UNC13A: variants seen among roughly 807,000 people sequenced by gnomAD.
The protein encoded by UNC13A is unc-13 homolog A.
UNC13A carries 61 observed loss-of-function variants against 219.7 expected under a neutral mutation model. That is an observed-to-expected ratio of 0.28 (90% CI 0.23 to 0.34). The LOEUF is 0.34. Ranked by LOEUF, UNC13A falls within the 10% of genes least tolerant of loss-of-function variation. UNC13A has a pLI of 1.00. For synonymous variants in UNC13A, 920 were observed against 884.6 expected, an observed-to-expected ratio of 1.04 and a Z score of -0.71; for missense variants, 1,476 against 2,270.3, an observed-to-expected ratio of 0.65 and a Z score of 7.11.
chr19:17,623,930 C>T (rs949578669), intron 35 of UNC13A, among the ~76,000 whole-genome samples: 6 of 152,146 alleles, frequency 3.9e-5, no homozygotes, highest in Admixed American at 2.6e-4. Context: ...GTCTATCGGT[C>T]CTGGTCTCTG....
chr19:17,649,051 C>T lies in UNC13A; in HGVS notation c.1525-68G>A. The T allele has an allele frequency of 4.0e-6, 6 of 1,487,168 alleles. No homozygotes were observed. The highest frequency in any genetic ancestry group is 5.4e-6 in the Non-Finnish European group (6 of 1,102,284). The allele number at this position is 1,487,168 out of a possible 1,614,324, so 92.1% of individuals were successfully genotyped here. ...ATGAGATCACCACCAGGAGAGTTCACAGCCACGGATGGGGCCAGCAGCCAC... is the reference window on the plus strand; with the variant it reads ...ATGAGATCACCACCAGGAGAGTTCATAGCCACGGATGGGGCCAGCAGCCAC... On this transcript the variant is annotated intron_variant, in intron 14 of 43. Coordinates refer to ENST00000519716, the MANE Select transcript of UNC13A (RefSeq NM_001080421.3). This position sits in a 1 kb window ranked among gnomAD's most constrained non-coding sequence, Gnocchi z 4.4.
intron 1 of UNC13A, among the ~76,000 whole-genome samples, chr19:17,676,338 T>C (rs551834158): frequency 1.3e-5 from 2 of 151,330 alleles, no homozygotes; most frequent in African/African-American, 4.9e-5. Flanking sequence ...GGAAGGAAAT[T>C]TGGACCCTGA....
chr19:17,675,630 C>CAAAA (rs35996994), intron 2 of UNC13A, among the ~76,000 whole-genome samples: 16 of 127,652 alleles, frequency 1.3e-4, no homozygotes, highest in African/African-American at 3.4e-4. Context: ...GACTCTGTCT[C>CAAAA]AAAAAAAAAA....
chr19:17,609,205 G>A (rs1472561454), intron 43 of UNC13A, among the ~76,000 whole-genome samples: 1 of 148,372 alleles, frequency 6.7e-6, no homozygotes, highest in Non-Finnish European at 1.5e-5. Flanking sequence ...CCTGACCTCA[G>A]GTGATCTGTC....
rs2079859562 is a variant in UNC13A, at chr19:17,674,567, G to A, written c.152+90C>T. ...GGGAGGACAGAGGGGAGTCACCCGG[G>A]ATTCCCCAGTGTCCAGCTCTGCCCT... On this transcript the variant is annotated intron_variant, in intron 3 of 43. Transcript: ENST00000519716. The surrounding 1 kb of genome is among the most constrained non-coding windows in gnomAD (Gnocchi z 5.0). 6.0e-6 allele frequency: 7 copies of A among 1,161,504 alleles called. No individual in the cohort carries two copies. The highest frequency in any genetic ancestry group is 8.9e-6 in the Non-Finnish European group (7 of 786,868). 71.9% of individuals were successfully genotyped at this position (1,161,504 alleles called of 1,614,324 possible). A position where few individuals can be genotyped will look rare whatever the true frequency, so the allele number is the denominator to read the frequency against.
At chr19:17,619,091 C>G (rs2076699151) in intron 38 of UNC13A, 129 bp from the exon 39 acceptor site, 2 of 826,314 alleles carry the variant, frequency 2.4e-6, no homozygotes, top group South Asian at 1.5e-5. Flanking sequence ...GGACAGAGGT[C>G]TGGAATTCCC....
Position 17,619,016 on chromosome 19 carries a change from C to G in UNC13A, c.4273-54G>C. On this transcript the variant is annotated intron_variant, in intron 38 of 43. Coordinates refer to ENST00000519716, the MANE Select transcript of UNC13A (RefSeq NM_001080421.3). ...GGGCAGGGGTGCTACAGCTGACACT[C>G]CAGCCCCAGAGACCATCTTGGTTCT... 4 of 1,553,106 alleles carry G rather than the reference C, an allele frequency of 2.6e-6. No individual in the cohort carries two copies. In the South Asian group the frequency reaches 4.4e-5, roughly 17 times the overall value.
chr19:17,643,719 T>C (rs986533702), intron 19 of UNC13A, among the ~76,000 whole-genome samples: 2 of 152,290 alleles, frequency 1.3e-5, no homozygotes, highest in African/African-American at 4.8e-5. Context: ...TGTCTCTTCC[T>C]TCAAACAAGG....
intron 1 of UNC13A, among the ~76,000 whole-genome samples, chr19:17,686,203 G>A (rs910087456): frequency 6.7e-6 from 1 of 149,400 alleles, no homozygotes; most frequent in Admixed American, 6.8e-5. Context: ...CTCTGTTTCT[G>A]GAAGCCTCAT....
At chr19:17,620,606 A>T in intron 38 of UNC13A, 87 bp downstream of exon 38, 1 of 1,189,916 alleles carries the variant, frequency 8.4e-7, no homozygotes, top group Non-Finnish European at 1.1e-6. Flanking sequence ...CTCGGACGGC[A>T]CGAACCACAG....
rs779843757 is a variant in UNC13A, at chr19:17,618,439, C to T, written c.4392G>A (p.Leu1464=). Reference sequence around the variant, plus strand: ...CTCTCACCTTGATGGTGTCCAGGGCCAACTCAACAACCGCGCACTGCTTTG... The same window carrying T: ...CTCTCACCTTGATGGTGTCCAGGGCTAACTCAACAACCGCGCACTGCTTTG... ...LTPKQCAVVE[L]ALDTIKQYFH... is the part of the protein sequence containing the mutation. The change falls in exon 40 of 44, where the codon TTG becomes TTA. Residue 1464 remains leucine (L), a synonymous_variant. Transcript: ENST00000519716. 1.3e-6 allele frequency: 2 copies of T among 1,585,272 alleles called. No individual in the cohort carries two copies. Among genetic ancestry groups the T allele is most frequent in the Non-Finnish European group, 1.7e-6 (2 of 1,165,550 alleles).
At chr19:17,606,407 GC>G in intron 43 of UNC13A, 53 bp from the exon 44 acceptor site, 1 of 1,521,582 alleles carries the variant, frequency 6.6e-7, no homozygotes, top group Non-Finnish European at 8.8e-7. Context: ...GTGATGCCCC[GC>G]CCACGGCCCC....
chr19:17,679,736 T>G (rs879430790), intron 1 of UNC13A, among the ~76,000 whole-genome samples: 24 of 152,102 alleles, frequency 1.6e-4, no homozygotes, highest in Non-Finnish European at 2.9e-4. Context: ...CCCCGTTCTA[T>G]TTCTCTCCAC....
intron 1 of UNC13A, among the ~76,000 whole-genome samples, chr19:17,680,972 T>C (rs1320285147): frequency 7.3e-6 from 1 of 136,116 alleles, no homozygotes; most frequent in East Asian, 2.2e-4. Context: ...TGATCATGGC[T>C]CACTGCAGCC....
In UNC13A at chr19:17,623,587, G is replaced by A. The variant is rs376792123; in HGVS notation, c.4198-40C>T. On this transcript the variant is annotated intron_variant, in intron 35 of 43. Coordinates refer to ENST00000519716, the MANE Select transcript of UNC13A (RefSeq NM_001080421.3). The stretch of plus-strand genomic sequence containing the variant: ...GGGGGCGGGGCGGTGGGGGAGGGGG[G>A]AATAAGGTACCATGAGTCTCCCGGG... The A allele has an allele frequency of 3.0e-3, 1,867 of 619,758 alleles. 30 individuals carry two copies. Among genetic ancestry groups the A allele is most frequent in the African/African-American group, 0.03 (1,552 of 52,240 alleles). 38.4% of individuals were successfully genotyped at this position (619,758 alleles called of 1,614,324 possible).
chr19:17,639,945 C>A lies in UNC13A; in HGVS notation c.2788-37G>T, dbSNP rs757441323. ...GGGGAGGAGGGAGGATGGATGGAGG[C>A]AGGACATGGCCGCCATAGTGGCTGA... On this transcript the variant is annotated intron_variant, in intron 22 of 43. Coordinates refer to ENST00000519716, the MANE Select transcript of UNC13A (RefSeq NM_001080421.3). 7.5e-6 allele frequency: 12 copies of A among 1,607,856 alleles called. No individual in the cohort carries two copies. In the South Asian group the frequency reaches 1.2e-4, roughly 16 times the overall value.
intron 38 of UNC13A, among the ~76,000 whole-genome samples, chr19:17,619,681 C>A (rs1220830976): frequency 2.6e-5 from 4 of 152,142 alleles, no homozygotes; most frequent in Non-Finnish European, 4.4e-5. Flanking sequence ...GATCCTCCTA[C>A]CTCAGCCTCC....
chr19:17,675,843 C>G (rs8106034), intron 2 of UNC13A, among the ~76,000 whole-genome samples, 169 bp downstream of exon 2: 7,100 of 152,022 alleles, frequency 0.047, 319 homozygotes, highest in African/African-American at 0.12. Flanking sequence ...TGCAGGGACC[C>G]CAGGCCAATG....
In UNC13A at chr19:17,627,399, C is replaced by CG. The variant is rs748369530; in HGVS notation, c.3920+109_3920+110insC. 92 of 845,774 alleles carry CG rather than the reference C, an allele frequency of 1.1e-4. No individual in the cohort carries two copies. The highest frequency in any genetic ancestry group is 1.3e-4 in the Non-Finnish European group (71 of 533,212). The allele number at this position is 845,774 out of a possible 1,614,324, so 52.4% of individuals were successfully genotyped here. ...GATTTGAACTCAGCCTTGTCTAACT[C>CG]TGAGCCTGCAATCTTCACCTCTACA... On this transcript the variant is annotated intron_variant, in intron 33 of 43. Coordinates refer to ENST00000519716, the MANE Select transcript of UNC13A (RefSeq NM_001080421.3). This position sits in a 1 kb window ranked among gnomAD's most constrained non-coding sequence, Gnocchi z 4.7.
Sources: allele counts gnomAD v4.1 joint callset (sites outside exome capture counted in the v4.1 genomes callset), GRCh38; gene constraint gnomAD v4.1.1; non-coding constraint Gnocchi (gnomAD v3.1); transcripts MANE v1.5; gene names NCBI Gene and HGNC (gene_info 2026-07-23, HGNC 2026-07-21).